KIF5C: variants seen among roughly 807,000 people sequenced by gnomAD.
KIF5C encodes kinesin heavy chain isoform 5C.
KIF5C carries 18 observed loss-of-function variants against 125.2 expected under a neutral mutation model. The observed-to-expected ratio is 0.14, with a 90% CI of 0.10 to 0.21. The LOEUF is 0.21. Ranked by LOEUF, KIF5C falls within the 10% of genes least tolerant of loss-of-function variation. The pLI, the probability that KIF5C is intolerant of heterozygous loss-of-function variation, is 1.00. For synonymous variants in KIF5C, 405 were observed against 434.0 expected (o/e 0.93, Z 0.83); for missense variants, 780 against 1,183.8 (o/e 0.66, Z 5.01).
At chr2:148,998,644 G>C (rs1681748570) in intron 19 of KIF5C, 135 bp downstream of exon 19, 1 of 1,361,316 alleles carries the variant, frequency 7.3e-7, no homozygotes, top group Non-Finnish European at 9.9e-7. Context: ...TGACACAGCA[G>C]GCTGGGCGGG....
At chr2:148,963,386 G>GC (rs1268931931) in intron 11 of KIF5C, among the ~76,000 whole-genome samples, 1 of 152,134 alleles carries the variant, frequency 6.6e-6, no homozygotes, top group Non-Finnish European at 1.5e-5. Context: ...TTACACGTTT[G>GC]CCACTGCTTT....
chr2:148,925,415 AT>A (rs1681951311), intron 2 of KIF5C, among the ~76,000 whole-genome samples: 2 of 152,210 alleles, frequency 1.3e-5, no homozygotes, highest in African/African-American at 2.4e-5. Flanking sequence ...AAGAAAAAAA[AT>A]ATTTTTAGCT....
intron 3 of KIF5C, among the ~76,000 whole-genome samples, chr2:148,932,211 A>G (rs1422562282): frequency 6.6e-6 from 1 of 152,176 alleles, no homozygotes; most frequent in Non-Finnish European, 1.5e-5. Context: ...CAAATTACAC[A>G]TTGTGATCTT....
intron 1 of KIF5C, among the ~76,000 whole-genome samples, chr2:148,915,521 C>A (rs1210498863): frequency 6.6e-6 from 1 of 152,152 alleles, no homozygotes; most frequent in African/African-American, 2.4e-5. Flanking sequence ...CCCAAAGCCC[C>A]AGCTTGTTGA....
chr2:148,887,415 T>C (rs1681569737), intron 1 of KIF5C, among the ~76,000 whole-genome samples: 1 of 152,092 alleles, frequency 6.6e-6, no homozygotes, highest in African/African-American at 2.4e-5. Context: ...GGAGAGTCTA[T>C]TGTGTGCTAA....
Position 149,010,219 on chromosome 2 carries a change from C to T in KIF5C, c.2635C>T (p.Leu879=). The change falls in exon 24 of 26, where the codon CTG becomes TTG. Residue 879 remains leucine (L), a synonymous_variant. Coordinates refer to ENST00000435030, the MANE Select transcript of KIF5C (RefSeq NM_004522.3). ...LRATAERVKA[L]ESALKEAKEN... is the part of the protein sequence containing the mutation. Reference sequence around the variant, plus strand: ...TGCCACGGCGGAGCGCGTCAAGGCTCTGGAGAGCGCGCTGAAGGAGGCCAA... The same window carrying T: ...TGCCACGGCGGAGCGCGTCAAGGCTTTGGAGAGCGCGCTGAAGGAGGCCAA... 6.4e-7 allele frequency: 1 copy of T among 1,566,924 alleles called. No homozygotes were observed. The highest frequency in any genetic ancestry group is 8.6e-7 in the Non-Finnish European group (1 of 1,156,734).
rs768007396 is a variant in KIF5C, at chr2:148,981,560, C to T, written c.1568C>T (p.Thr523Met). ...CTGACAGACGAGCTGGCCCAGAAAA[C>T]GGTTGGAGCATTTGTGTCTAGGGGG... ...EQLTDELAQK[T>M]TTLTTTQREL... The change falls in exon 14 of 26, where the codon ACG becomes ATG. Residue 523 changes from threonine to methionine, a missense_variant and splice_region_variant. Physicochemically the swap from Thr to Met is moderately conservative, Grantham distance 81. Around this residue, in one of 2 missense-constraint regions of KIF5C, gnomAD observed 573 missense variants for 742.6 expected, o/e 0.77. Coordinates refer to ENST00000435030, the MANE Select transcript of KIF5C (RefSeq NM_004522.3). 9.4e-6 allele frequency: 15 copies of T among 1,589,870 alleles called. No individual in the cohort carries two copies. The highest frequency in any genetic ancestry group is 1.1e-5 in the South Asian group (1 of 87,256).
intron 4 of KIF5C, 42 bp from the exon 5 acceptor site, chr2:148,941,568 A>T: frequency 6.4e-7 from 1 of 1,550,802 alleles, no homozygotes; most frequent in Non-Finnish European, 8.7e-7. Flanking sequence ...TTTGAAATAC[A>T]CTGCGGCATG....
chr2:149,011,523 A>T (rs1682195218), intron 24 of KIF5C, 47 bp from the exon 25 acceptor site: 30 of 1,608,740 alleles, frequency 1.9e-5, no homozygotes, highest in Non-Finnish European at 2.5e-5. Context: ...TGCTGTTAAG[A>T]CTTTTCTAAA....
chr2:148,931,944 G>T (rs953007847), intron 3 of KIF5C, among the ~76,000 whole-genome samples: 1 of 152,202 alleles, frequency 6.6e-6, no homozygotes, highest in Non-Finnish European at 1.5e-5. Flanking sequence ...TGTGCCTACA[G>T]TTAGAAATAG....
chr2:148,949,414 A>AT (rs754570002), intron 8 of KIF5C, among the ~76,000 whole-genome samples: 22 of 151,954 alleles, frequency 1.4e-4, no homozygotes, highest in Non-Finnish European at 2.5e-4. Flanking sequence ...CGTAACTTAC[A>AT]TTTTTCCAAT....
In KIF5C at chr2:149,021,403, GTT is replaced by G. The variant is rs59816637; in HGVS notation, c.*8-1665_*8-1664del. ...ATTTTTAAAAAGAATGTGTTGTTCTGTTTTTTTTTTTCTATTCAGTTTCTGTT... is the reference window on the plus strand; with the variant it reads ...ATTTTTAAAAAGAATGTGTTGTTCTGTTTTTTTTTCTATTCAGTTTCTGTT... On this transcript the variant is annotated intron_variant, in intron 25 of 25. Coordinates refer to ENST00000435030, the MANE Select transcript of KIF5C (RefSeq NM_004522.3). Among the ~76,000 whole-genome samples the G allele has an allele frequency of 2.1e-3, 302 of 146,386 alleles. 2 individuals carry two copies. Among genetic ancestry groups the G allele is most frequent in the African/African-American group, 7.1e-3 (287 of 40,242 alleles).
chr2:148,987,344 T>C (rs1681405569), intron 15 of KIF5C, among the ~76,000 whole-genome samples: 1 of 152,186 alleles, frequency 6.6e-6, no homozygotes. Flanking sequence ...GCAGAGGATA[T>C]GAAGGCTGTG....
At chr2:149,000,305 A>C in intron 19 of KIF5C, 118 bp from the exon 20 acceptor site, 1 of 1,281,630 alleles carries the variant, frequency 7.8e-7, no homozygotes, top group Non-Finnish European at 1.1e-6. Context: ...CAAATCCTGC[A>C]GAATTACTGC....
intron 1 of KIF5C, among the ~76,000 whole-genome samples, chr2:148,918,947 G>A (rs1369342930): frequency 6.6e-6 from 1 of 152,186 alleles, no homozygotes; most frequent in Non-Finnish European, 1.5e-5. Context: ...ATGGTGAGAA[G>A]TGATAGGGTT....
intron 2 of KIF5C, among the ~76,000 whole-genome samples, chr2:148,925,813 C>T (rs1246715810): frequency 6.6e-6 from 1 of 152,240 alleles, no homozygotes; most frequent in Non-Finnish European, 1.5e-5. Flanking sequence ...GTGGCTCCTA[C>T]ACCTTGTGAT....
intron 1 of KIF5C, among the ~76,000 whole-genome samples, chr2:148,902,310 G>A (rs73007584): frequency 0.16 from 24,079 of 151,656 alleles, 3,044 homozygotes; most frequent in African/African-American, 0.35. Context: ...CAGCTTCTTC[G>A]TGCCAGAAAC....
rs753121188 is a variant in KIF5C, at chr2:149,011,617, G to T, written c.2815G>T (p.Val939Phe). The change falls in exon 25 of 26, where the codon GTC becomes TTC. Residue 939 changes from valine to phenylalanine, a missense_variant. Transcript: ENST00000435030. ...CTACCCGGCCTCATCTCCAACGGCC[G>T]TCCATGCCATTCGAGGGGGAGGAGG... is the stretch of plus-strand genomic sequence containing the variant. ...GHYPASSPTA[V>F]HAIRGGGGSS... 2.5e-6 allele frequency: 4 copies of T among 1,613,948 alleles called. No homozygotes were observed. The highest frequency in any genetic ancestry group is 3.4e-6 in the Non-Finnish European group (4 of 1,179,910).
intron 8 of KIF5C, among the ~76,000 whole-genome samples, chr2:148,948,309 A>G (rs998630584): frequency 6.6e-6 from 1 of 151,338 alleles, no homozygotes; most frequent in African/African-American, 2.4e-5. Flanking sequence ...GTGAGCCGAG[A>G]TCGTGCCACT....
Sources: allele counts gnomAD v4.1 joint callset (sites outside exome capture counted in the v4.1 genomes callset), GRCh38; gene constraint gnomAD v4.1.1; regional missense constraint gnomAD v4.1.1; transcripts MANE v1.5; gene names NCBI Gene and HGNC (gene_info 2026-07-23, HGNC 2026-07-21).